ITGA9: variants seen among roughly 807,000 people sequenced by gnomAD.
The protein encoded by ITGA9 is integrin alpha-9.
In ITGA9, 56 loss-of-function variants were observed where a neutral mutation model predicts 127.8. That is an observed-to-expected ratio of 0.44 (90% CI 0.35 to 0.55). The LOEUF (loss-of-function observed/expected upper bound fraction) is 0.55. Ranked by LOEUF, ITGA9 falls within the 20% of genes least tolerant of loss-of-function variation. The pLI, the probability that ITGA9 is intolerant of heterozygous loss-of-function variation, is 0.00. For missense variants in ITGA9, 1,196 were observed against 1,347.1 expected (o/e 0.89, Z 1.76); for synonymous variants, 508 against 514.5 (o/e 0.99, Z 0.17).
chr3:37,670,186 G>A (rs781139322), intron 17 of ITGA9, among the ~76,000 whole-genome samples: 16 of 150,500 alleles, frequency 1.1e-4, no homozygotes, highest in East Asian at 2.0e-4. Flanking sequence ...CATCTAAACC[G>A]CCAGGCTTAA....
In ITGA9 at chr3:37,523,547, A is replaced by G. The variant is rs764378024; in HGVS notation, c.1263A>G (p.Pro421=). The part of the protein sequence containing the change: ...SMKLSGQKIN[P]VLRMFGQSIS... ...AACTGTCTGGGCAGAAGATAAATCC[A>G]GTGCTCCGGATGTTTGGTCAGTCCA... Residue 421 remains proline, a synonymous_variant, in exon 12 of 28, where the codon CCA becomes CCG. Transcript: ENST00000264741. The G allele has an allele frequency of 2.5e-6, 4 of 1,613,982 alleles. No homozygotes were observed. Among genetic ancestry groups the G allele is most frequent in the Non-Finnish European group, 3.4e-6 (4 of 1,179,842 alleles).
At chr3:37,590,708 C>A (rs1699806874) in intron 15 of ITGA9, among the ~76,000 whole-genome samples, 1 of 151,832 alleles carries the variant, frequency 6.6e-6, no homozygotes, top group Non-Finnish European at 1.5e-5. Context: ...CCCCCTTTCC[C>A]ACTCTGTGGG....
chr3:37,696,482 C>T (rs1700886445), intron 18 of ITGA9, among the ~76,000 whole-genome samples: 1 of 152,152 alleles, frequency 6.6e-6, no homozygotes, highest in South Asian at 2.1e-4. Context: ...GATTTCTGTC[C>T]TTCAACAGAG....
In ITGA9 at chr3:37,526,470, C is replaced by T. The variant is rs116639143; in HGVS notation, c.1373+399C>T. On this transcript the variant is annotated intron_variant, in intron 13 of 27. Coordinates refer to ENST00000264741, the MANE Select transcript of ITGA9 (RefSeq NM_002207.3). ...CTGGGAAGCACTGTTCATTCTGTCTCTTCATCTGTACACCCTGCATTTGTA... is the reference window on the plus strand; with the variant it reads ...CTGGGAAGCACTGTTCATTCTGTCTTTTCATCTGTACACCCTGCATTTGTA... 2.4e-3 allele frequency among the ~76,000 whole-genome samples: 368 copies of T among 152,358 alleles called. 2 individuals are homozygous for T. Among genetic ancestry groups the T allele is most frequent in the African/African-American group, 8.4e-3 (351 of 41,576 alleles).
At chr3:37,499,752 TGG>T (rs560541090) in intron 5 of ITGA9, among the ~76,000 whole-genome samples, 1 of 152,104 alleles carries the variant, frequency 6.6e-6, no homozygotes, top group Non-Finnish European at 1.5e-5. Context: ...GTGTGAGCAC[TGG>T]GGGCGGAGTG....
chr3:37,708,122 C>T (rs1173639424), intron 18 of ITGA9, among the ~76,000 whole-genome samples: 1 of 152,214 alleles, frequency 6.6e-6, no homozygotes, highest in Non-Finnish European at 1.5e-5. Context: ...CTGGGCCAGG[C>T]TCGGCTGTTC....
At chr3:37,699,033 C>G (rs1264253290) in intron 18 of ITGA9, among the ~76,000 whole-genome samples, 1 of 152,214 alleles carries the variant, frequency 6.6e-6, no homozygotes, top group Non-Finnish European at 1.5e-5. Flanking sequence ...CTGTGGTACA[C>G]TCCTCACCCC....
At chr3:37,642,537 A>G (rs543240531) in intron 16 of ITGA9, among the ~76,000 whole-genome samples, 1 of 152,372 alleles carries the variant, frequency 6.6e-6, no homozygotes, top group Non-Finnish European at 1.5e-5. Context: ...CTATAAAATT[A>G]AAAGAAATGT....
chr3:37,584,519 G>A (rs183102795), intron 15 of ITGA9, among the ~76,000 whole-genome samples: 2 of 152,136 alleles, frequency 1.3e-5, no homozygotes, highest in Non-Finnish European at 2.9e-5. Context: ...CACTTTGGGA[G>A]GCCAAGGCAG....
chr3:37,590,674 G>A (rs1345217950), intron 15 of ITGA9, among the ~76,000 whole-genome samples: 2 of 151,746 alleles, frequency 1.3e-5, no homozygotes, highest in Non-Finnish European at 2.9e-5. Context: ...GGCTCTCTTG[G>A]GTTCTTTGCC....
Position 37,513,802 on chromosome 3 carries a change from C to A in ITGA9, c.937C>A (p.Leu313Met). 1 of 1,614,048 alleles carries A rather than the reference C, an allele frequency of 6.2e-7. No homozygotes were observed. ...CGGCTCCTCCTTGTGCGCAGTTGAC[C>A]TGAATGGGGACGGCCTCTCTGACCT... ...YFGSSLCAVDLNGDGLSDLLV... is the reference protein window; with the variant it reads ...YFGSSLCAVDMNGDGLSDLLV... The change falls in exon 9 of 28, where the codon CTG becomes ATG. Residue 313 changes from leucine to methionine, a missense_variant. By Grantham distance (15) the Leu-to-Met change is conservative. Transcript: ENST00000264741.
chr3:37,470,974 G>C, intron 1 of ITGA9, 33 bp from the exon 2 acceptor site: 1 of 1,613,486 alleles, frequency 6.2e-7, no homozygotes, highest in Non-Finnish European at 8.5e-7. Context: ...CTTATCGTAG[G>C]TTGTGACAGA....
chr3:37,487,461 C>T (rs1008738873), intron 4 of ITGA9, among the ~76,000 whole-genome samples: 6 of 152,314 alleles, frequency 3.9e-5, no homozygotes, highest in East Asian at 3.9e-4. Context: ...ATACTTCAAA[C>T]GTGTTTCCAT....
At chr3:37,627,909 A>G (rs951542092) in intron 15 of ITGA9, among the ~76,000 whole-genome samples, 2 of 152,076 alleles carry the variant, frequency 1.3e-5, no homozygotes, top group Non-Finnish European at 2.9e-5. Flanking sequence ...TGGATACCTA[A>G]GTACCCCCAA....
At chr3:37,716,869 A>T (rs1438116346) in intron 18 of ITGA9, among the ~76,000 whole-genome samples, 1 of 152,128 alleles carries the variant, frequency 6.6e-6, no homozygotes, top group Non-Finnish European at 1.5e-5. Context: ...ATTGTTCTTA[A>T]AAATACAAAA....
intron 18 of ITGA9, among the ~76,000 whole-genome samples, chr3:37,707,953 T>C (rs562626983): frequency 6.6e-6 from 1 of 152,326 alleles, no homozygotes; most frequent in East Asian, 1.9e-4. Flanking sequence ...TCCTGTGGGC[T>C]AGGCAGGGCC....
rs183552100 is a variant in ITGA9, at chr3:37,520,812, C to G, written c.1236+1458C>G. On this transcript the variant is annotated intron_variant, in intron 11 of 27. Coordinates refer to ENST00000264741, the MANE Select transcript of ITGA9 (RefSeq NM_002207.3). ...GACAAGCTAAAAGTCACCCAAGGAGCCCCGTGCTCGGGCAGCGGTCAGGGT... is the reference window on the plus strand; with the variant it reads ...GACAAGCTAAAAGTCACCCAAGGAGGCCCGTGCTCGGGCAGCGGTCAGGGT... Among the ~76,000 whole-genome samples, 4 of 152,298 alleles carry G rather than the reference C, an allele frequency of 2.6e-5. No homozygotes were observed. In the East Asian group the frequency reaches 7.7e-4, roughly 29 times the overall value.
chr3:37,724,061 A>T (rs1268073681), intron 18 of ITGA9, among the ~76,000 whole-genome samples: 3 of 152,210 alleles, frequency 2.0e-5, no homozygotes, highest in African/African-American at 7.2e-5. Context: ...CTGCTGTATC[A>T]TTCAGAAGCT....
intron 15 of ITGA9, among the ~76,000 whole-genome samples, chr3:37,554,500 G>C (rs1251644253): frequency 1.3e-5 from 2 of 152,068 alleles, no homozygotes; most frequent in Admixed American, 6.5e-5. Flanking sequence ...TGGGCAGGGT[G>C]GTGACCTGGC....
Sources: gnomAD v4.1 joint callset for allele counts (sites outside exome capture counted in the v4.1 genomes callset) on GRCh38, gnomAD v4.1.1 for gene constraint, MANE v1.5 for transcripts, NCBI Gene and HGNC (gene_info 2026-07-23, HGNC 2026-07-21) for gene names.